The following NRL variants were observed in gnomAD, a reference collection of about 807,000 sequenced individuals.
NRL encodes the protein neural retina leucine zipper, also known as neural retina-specific leucine zipper protein.
NRL carries 16 observed loss-of-function variants against 12.5 expected under a neutral mutation model. That is an observed-to-expected ratio of 1.28 (90% CI 0.87 to 1.95). The LOEUF is 1.95. NRL is among the 30% of genes most tolerant of loss of function. NRL has a pLI of 0.00. For missense variants in NRL, 314 were observed against 325.8 expected (o/e 0.96, Z 0.28); for synonymous variants, 142 against 150.9 (o/e 0.94, Z 0.43).
intron 1 of NRL, among the ~76,000 whole-genome samples, chr14:24,089,881 A>T (rs183344151): frequency 1.3e-5 from 2 of 152,286 alleles, no homozygotes; most frequent in African/African-American, 4.8e-5. Flanking sequence ...GTGAGGCAGG[A>T]AAGATGTAGA....
chr14:24,082,970 G>T, intron 1 of NRL, 95 bp from the exon 2 acceptor site: 2 of 1,263,846 alleles, frequency 1.6e-6, no homozygotes, highest in Non-Finnish European at 2.2e-6. Flanking sequence ...GTGCCCTGGA[G>T]CAAGAGTTTG....
chr14:24,101,920 AAATT>A (rs1274402372), intron 1 of NRL, among the ~76,000 whole-genome samples: 1 of 151,926 alleles, frequency 6.6e-6, no homozygotes, highest in Non-Finnish European at 1.5e-5. Flanking sequence ...TCTCATAACT[AAATT>A]AATTAAGTAA....
chr14:24,091,460 T>C (rs1398507273), intron 1 of NRL, among the ~76,000 whole-genome samples: 1 of 152,016 alleles, frequency 6.6e-6, no homozygotes, highest in Non-Finnish European at 1.5e-5. Context: ...AGGAGGCAAG[T>C]GGGGATGTGG....
At chr14:24,083,104 G>A (rs2036370770) in intron 1 of NRL, among the ~76,000 whole-genome samples, 1 of 152,224 alleles carries the variant, frequency 6.6e-6, no homozygotes, top group Admixed American at 6.5e-5. Flanking sequence ...AGGAGGAAGA[G>A]GACAGCACAG....
intron 1 of NRL, 73 bp from the exon 2 acceptor site, chr14:24,082,948 C>A: frequency 6.9e-7 from 1 of 1,449,178 alleles, no homozygotes; most frequent in South Asian, 1.4e-5. Context: ...TCCCTCTTCC[C>A]TCAAAGCCCA....
At chr14:24,099,636 C>A (rs971503239) in intron 1 of NRL, 2 of 1,613,932 alleles carry the variant, frequency 1.2e-6, no homozygotes, top group East Asian at 2.2e-5. Flanking sequence ...CAAGACCAAC[C>A]TGGCTATGAT....
At chr14:24,090,258 G>C (rs541551464) in intron 1 of NRL, among the ~76,000 whole-genome samples, 1 of 91,124 alleles carries the variant, frequency 1.1e-5, no homozygotes, top group Non-Finnish European at 2.4e-5. Context: ...TGTGCAGGTG[G>C]TTTACTCGGG....
chr14:24,079,581 G>C lies in NRL; in HGVS notation c.*1655C>G, dbSNP rs1249918874. 1.3e-5 allele frequency among the ~76,000 whole-genome samples: 2 copies of C among 152,046 alleles called. No homozygotes were observed. Among genetic ancestry groups the C allele is most frequent in the Non-Finnish European group, 2.9e-5 (2 of 68,012 alleles). ...CTCCTAAGCGGAGGAGGGATGAGCT[G>C]GGATAGAGGAGGGGAAAGAGGGAGC... On this transcript the variant is annotated 3_prime_UTR_variant, in exon 3 of 3. Coordinates refer to ENST00000561028, the MANE Select transcript of NRL (RefSeq NM_001354768.3).
intron 1 of NRL, among the ~76,000 whole-genome samples, chr14:24,099,398 G>T (rs539928979): frequency 6.6e-6 from 1 of 152,322 alleles, no homozygotes; most frequent in African/African-American, 2.4e-5. Flanking sequence ...TGAATGTTGA[G>T]GTTTCCCCTG....
rs1313302099 is a variant in NRL, at chr14:24,079,355, C to G, written c.*1881G>C. ...AGAGTGAGAGAAAAAGAGCTGGGCT[C>G]CCGGAAGGACCCTCCCTGCCCCATC... is the stretch of plus-strand genomic sequence containing the variant. On this transcript the variant is annotated 3_prime_UTR_variant, in exon 3 of 3. Transcript: ENST00000561028. Among the ~76,000 whole-genome samples, 2 of 152,126 alleles carry G rather than the reference C, an allele frequency of 1.3e-5. No homozygotes were observed. Among genetic ancestry groups the G allele is most frequent in the African/African-American group, 4.8e-5 (2 of 41,418 alleles).
intron 1 of NRL, chr14:24,103,317 C>A: frequency 7.2e-7 from 1 of 1,388,430 alleles, no homozygotes; most frequent in Non-Finnish European, 1.0e-6. Context: ...TCTCTCCCTT[C>A]CTGAGCCAGA....
rs2036750864 is a variant in NRL at position 24,094,328 on chromosome 14, G to A, written c.-27-11453C>T. On this transcript the variant is annotated intron_variant, in intron 1 of 2. Transcript: ENST00000561028. This position sits in a 1 kb window ranked among gnomAD's most constrained non-coding sequence, Gnocchi z 4.1. ...CCTCTGCTGTGGCTCGCTTCGCCGC[G>A]CTCCCTCCTTCCCCGCCTTCCATAC... 1 of 1,400,236 alleles carries A rather than the reference G, an allele frequency of 7.1e-7. No individual in the cohort carries two copies. The highest frequency in any genetic ancestry group is 9.7e-7 in the Non-Finnish European group (1 of 1,028,698). 86.7% of individuals were successfully genotyped at this position (1,400,236 alleles called of 1,614,324 possible). A position where few individuals can be genotyped will look rare whatever the true frequency, so the allele number is the denominator to read the frequency against.
intron 1 of NRL, chr14:24,096,953 C>CTTAGTG: frequency 6.2e-7 from 1 of 1,613,322 alleles, no homozygotes; most frequent in East Asian, 2.2e-5. Context: ...CCAGACCCTG[C>CTTAGTG]GAGTGCTTAG....
At chr14:24,087,189 C>T (rs571654329) in intron 1 of NRL, among the ~76,000 whole-genome samples, 3 of 152,004 alleles carry the variant, frequency 2.0e-5, no homozygotes, top group East Asian at 1.9e-4. Context: ...GGCACATGGA[C>T]GAGATGGATA....
At chr14:24,090,261 T>A (rs2036576825) in intron 1 of NRL, among the ~76,000 whole-genome samples, 1 of 10,786 alleles carries the variant, frequency 9.3e-5, no homozygotes, top group Non-Finnish European at 1.8e-4. Context: ...GCAGGTGGTT[T>A]ACTCGGGGGG....
chr14:24,094,559 G>A lies in NRL; in HGVS notation c.-27-11684C>T. The A allele has an allele frequency of 1.4e-6, 2 of 1,440,932 alleles. No homozygotes were observed. Among genetic ancestry groups the A allele is most frequent in the Non-Finnish European group, 1.8e-6 (2 of 1,101,546 alleles). The allele number at this position is 1,440,932 out of a possible 1,614,324, so 89.3% of individuals were successfully genotyped here. A position where few individuals can be genotyped will look rare whatever the true frequency, so the allele number is the denominator to read the frequency against. On this transcript the variant is annotated intron_variant, in intron 1 of 2. Coordinates refer to ENST00000561028, the MANE Select transcript of NRL (RefSeq NM_001354768.3). This position sits in a 1 kb window ranked among gnomAD's most constrained non-coding sequence, Gnocchi z 4.1. ...TCCCATCCTAGGCGGAGGCGGGCAG[G>A]GGCGACTGCTGTGGGTCCAGCCTCC... is the stretch of plus-strand genomic sequence containing the variant.
At chr14:24,110,319 G>T in intron 1 of NRL, 3 of 401,664 alleles carry the variant, frequency 7.5e-6, no homozygotes, top group Non-Finnish European at 1.0e-5. Context: ...ACATTGCCCA[G>T]GCTGATCTCA....
chr14:24,092,257 C>A (rs2036653475), intron 1 of NRL, among the ~76,000 whole-genome samples: 1 of 152,146 alleles, frequency 6.6e-6, no homozygotes, highest in Admixed American at 6.6e-5. Context: ...GAAGCTATCA[C>A]CTGAAGCCAG....
rs532806277 is a variant in NRL, at chr14:24,099,765, A to G, written c.-28+14957T>C. 32 of 1,577,652 alleles carry G rather than the reference A, an allele frequency of 2.0e-5. No homozygotes were observed. The African/African-American group carries it at 2.7e-4, about 13-fold the overall frequency. On this transcript the variant is annotated intron_variant, in intron 1 of 2. Transcript: ENST00000561028. ...TACTCTTGGTTCTGGCTCTTGTCAG[A>G]GCCTCGGGGTCTCCTCTCTAGTGTT...
Sources: allele counts gnomAD v4.1 joint callset (sites outside exome capture counted in the v4.1 genomes callset), GRCh38; gene constraint gnomAD v4.1.1; non-coding constraint Gnocchi (gnomAD v3.1); transcripts MANE v1.5; gene names NCBI Gene and HGNC (gene_info 2026-07-23, HGNC 2026-07-21).